Variants in GRHL1 observed in about 807,000 individuals in gnomAD.
GRHL1 encodes grainyhead like transcription factor 1, also known as grainyhead-like protein 1 homolog.
Under a neutral mutation model 75.7 loss-of-function variants are expected in GRHL1, and 38 were observed. The ratio of observed to expected loss-of-function variants is 0.50; its 90% CI spans 0.39 to 0.66. The LOEUF is 0.66. GRHL1 is among the 30% of genes least tolerant of loss of function. GRHL1 has a pLI of 0.00. For synonymous variants in GRHL1, 266 were observed against 279.4 expected, an observed-to-expected ratio of 0.95 and a Z score of 0.48; for missense variants, 589 against 767.5, an observed-to-expected ratio of 0.77 and a Z score of 2.75.
At chr2:9,953,648 C>T (rs1463133288) in intron 1 of GRHL1, among the ~76,000 whole-genome samples, 3 of 151,686 alleles carry the variant, frequency 2.0e-5, no homozygotes, top group Non-Finnish European at 4.4e-5. Flanking sequence ...TTTTTTTCCC[C>T]TTTTTTGAAG....
At chr2:9,957,428 G>C (rs1379402065) in intron 2 of GRHL1, among the ~76,000 whole-genome samples, 1 of 125,064 alleles carries the variant, frequency 8.0e-6, no homozygotes, top group Non-Finnish European at 1.8e-5. Flanking sequence ...TTTTTTTTTT[G>C]ATACAGAGTC....
chr2:9,979,724 A>T (rs1668114381), intron 8 of GRHL1, among the ~76,000 whole-genome samples: 1 of 152,204 alleles, frequency 6.6e-6, no homozygotes. Flanking sequence ...AATGAGTATT[A>T]CTGTCATTGT....
chr2:9,978,998 C>A (rs13031635), intron 8 of GRHL1, among the ~76,000 whole-genome samples: 45,271 of 148,236 alleles, frequency 0.31, 7,379 homozygotes, highest in African/African-American at 0.41. Flanking sequence ...TCTCAAAAAA[C>A]AAAATTCAAA....
In GRHL1 at chr2:9,987,839, C is replaced by G. The variant is rs962737083; in HGVS notation, c.1269+1557C>G. 6.6e-6 allele frequency among the ~76,000 whole-genome samples: 1 copy of G among 152,196 alleles called. No homozygotes were observed. The highest frequency in any genetic ancestry group is 1.5e-5 in the Non-Finnish European group (1 of 68,046). On this transcript the variant is annotated intron_variant, in intron 9 of 15. Transcript: ENST00000324907. The surrounding 1 kb of genome is among the most constrained non-coding windows in gnomAD (Gnocchi z 4.2). ...TTCCATTGAACTAAGACAGCAAGAT[C>G]TTGAGTTTTTCCTACTCAAAAATAT...
intron 3 of GRHL1, 27 bp from the exon 4 acceptor site, chr2:9,961,019 T>C (rs763247187): frequency 4.5e-5 from 68 of 1,511,822 alleles, no homozygotes; most frequent in Non-Finnish European, 5.7e-5. Flanking sequence ...CAGCATCGCG[T>C]TTGAAAGCAG....
intron 3 of GRHL1, chr2:9,960,558 T>C (rs1317114901): frequency 6.5e-6 from 1 of 154,192 alleles, no homozygotes; most frequent in African/African-American, 2.4e-5. Context: ...CAGGCATTAT[T>C]ATACACCTTT....
intron 8 of GRHL1, among the ~76,000 whole-genome samples, chr2:9,984,356 T>A (rs74840413): frequency 0.026 from 3,969 of 152,146 alleles, 168 homozygotes; most frequent in African/African-American, 0.09. Flanking sequence ...CAGTCTTAGT[T>A]TTAAAAACTG....
intron 1 of GRHL1, among the ~76,000 whole-genome samples, chr2:9,953,399 C>G (rs779551938): frequency 2.6e-5 from 4 of 152,236 alleles, no homozygotes; most frequent in Non-Finnish European, 4.4e-5. Context: ...CCTGATGGCT[C>G]AGGGAATGCC....
intron 8 of GRHL1, chr2:9,965,690 T>C (rs567615301): frequency 1.0e-4 from 33 of 322,618 alleles, no homozygotes; most frequent in African/African-American, 6.1e-4. Context: ...GTGGAGGTGA[T>C]ATCTGTCTCC....
chr2:9,979,169 G>GAAAAAAAAAAAAAAAAAAAAAAAAAAAA (rs1313941842), intron 8 of GRHL1, among the ~76,000 whole-genome samples: 20 of 74,878 alleles, frequency 2.7e-4, no homozygotes, highest in Admixed American at 5.9e-4. Context: ...AAAAAAAAAG[G>GAAAAAAAAAAAAAAAAAAAAAAAAAAAA]AAACCTTATC....
At chr2:9,985,937 T>G (rs976490732) in intron 8 of GRHL1, among the ~76,000 whole-genome samples, 187 bp from the exon 9 acceptor site, 14 of 152,236 alleles carry the variant, frequency 9.2e-5, no homozygotes, top group African/African-American at 3.1e-4. Flanking sequence ...GCTATTTCTA[T>G]GACCAAAAGC....
At position 9,961,671 on chromosome 2, in the gene GRHL1, A is replaced by G. The variant is rs137999440; in HGVS notation, c.669+235A>G. On this transcript the variant is annotated intron_variant, in intron 4 of 15. Transcript: ENST00000324907. ...CTTACCAGCAGCTGAGTTAACAATTATGATTTCAGCTAAGGGATTTGCTGG... is the reference window on the plus strand; with the variant it reads ...CTTACCAGCAGCTGAGTTAACAATTGTGATTTCAGCTAAGGGATTTGCTGG... 2.1e-3 allele frequency among the ~76,000 whole-genome samples: 317 copies of G among 152,340 alleles called. 1 individual carries two copies. Among genetic ancestry groups the G allele is most frequent in the African/African-American group, 7.3e-3 (303 of 41,582 alleles).
At chr2:9,952,539 A>G (rs1666835043) in intron 1 of GRHL1, among the ~76,000 whole-genome samples, 1 of 152,226 alleles carries the variant, frequency 6.6e-6, no homozygotes, top group Admixed American at 6.5e-5. Flanking sequence ...GTGTTAAACG[A>G]GAAAGTACTG....
chr2:9,951,742 C>T lies in GRHL1; in HGVS notation c.-92C>T, dbSNP rs548306371. 281 of 1,244,276 alleles carry T rather than the reference C, an allele frequency of 2.3e-4. No homozygotes were observed. The highest frequency in any genetic ancestry group is 2.9e-4 in the Non-Finnish European group (267 of 909,942). The allele number at this position is 1,244,276 out of a possible 1,614,324, so 77.1% of individuals were successfully genotyped here. A position where few individuals can be genotyped will look rare whatever the true frequency, so the allele number is the denominator to read the frequency against. On this transcript the variant is annotated 5_prime_UTR_variant, in exon 1 of 16. Transcript: ENST00000324907. The surrounding 1 kb of genome is among the most constrained non-coding windows in gnomAD (Gnocchi z 4.2). The stretch of plus-strand genomic sequence containing the variant: ...CGTCGGGGCCGCCGCTCCGGACCCG[C>T]AGCCGCCGCCGCCGCCTCCTCCCCC...
chr2:9,956,219 C>G (rs1667016295), intron 2 of GRHL1, among the ~76,000 whole-genome samples: 1 of 152,142 alleles, frequency 6.6e-6, no homozygotes, highest in Non-Finnish European at 1.5e-5. Flanking sequence ...TAGCCATTGG[C>G]TACATTCTGG....
At position 9,961,028 on chromosome 2, in the gene GRHL1, A is replaced by G. The variant is rs1373413460; in HGVS notation, c.279-18A>G. ...CTACATCAGCATCGCGTTTGAAAGC[A>G]GTTTTCTTTTCTTAAAGAAACAGCA... On this transcript the variant is annotated intron_variant, in intron 3 of 15. Transcript: ENST00000324907. 2 of 1,518,626 alleles carry G rather than the reference A, an allele frequency of 1.3e-6. No individual in the cohort carries two copies. The highest frequency in any genetic ancestry group is 4.9e-5 in the East Asian group (2 of 40,508). The allele number at this position is 1,518,626 out of a possible 1,614,324, so 94.1% of individuals were successfully genotyped here.
At chr2:9,970,470 A>G (rs1265278261) in intron 8 of GRHL1, among the ~76,000 whole-genome samples, 6 of 152,210 alleles carry the variant, frequency 3.9e-5, no homozygotes, top group Non-Finnish European at 7.3e-5. Context: ...GAAAGTCTTT[A>G]TCAAACCTTC....
Position 9,963,948 on chromosome 2 carries a change from C to T in GRHL1, c.809C>T (p.Thr270Ile), listed in dbSNP as rs201730480. The T allele has an allele frequency of 3.3e-5, 54 of 1,612,894 alleles. No individual in the cohort carries two copies. The highest frequency in any genetic ancestry group is 4.4e-5 in the Non-Finnish European group (52 of 1,179,032). ...KSLRQKPGDS[T>I]MTYLNKGQFY... ...CTTCGACAGAAGCCAGGAGACAGTA[C>T]CATGACGTACCTGAACAAAGGCCAG... is the stretch of plus-strand genomic sequence containing the variant. The change falls in exon 6 of 16, where the codon ACC becomes ATC. Residue 270 changes from threonine to isoleucine, a missense_variant. Thr to Ile is a moderately conservative substitution (Grantham distance 89). Coordinates refer to ENST00000324907, the MANE Select transcript of GRHL1 (RefSeq NM_198182.3).
chr2:9,996,252 A>G (rs1668856094), intron 13 of GRHL1, 64 bp from the exon 14 acceptor site: 3 of 1,183,306 alleles, frequency 2.5e-6, no homozygotes, highest in Non-Finnish European at 3.8e-6. Flanking sequence ...TCTTTTGCTC[A>G]TGTGAACTGT....
Sources: allele counts gnomAD v4.1 joint callset (sites outside exome capture counted in the v4.1 genomes callset), GRCh38; gene constraint gnomAD v4.1.1; non-coding constraint Gnocchi (gnomAD v3.1); transcripts MANE v1.5; gene names NCBI Gene and HGNC (gene_info 2026-07-23, HGNC 2026-07-21).